ISM1: variants seen among roughly 807,000 people sequenced by gnomAD.
ISM1 encodes isthmin-1.
ISM1 carries 25 observed loss-of-function variants against 46.3 expected under a neutral mutation model. The ratio of observed to expected loss-of-function variants is 0.54; its 90% CI spans 0.39 to 0.75. The LOEUF is 0.75. Ranked by LOEUF, ISM1 falls within the 30% of genes least tolerant of loss-of-function variation. ISM1 has a pLI of 0.00. For synonymous variants in ISM1, 255 were observed against 256.7 expected, an observed-to-expected ratio of 0.99 and a Z score of 0.06; for missense variants, 536 against 625.4, an observed-to-expected ratio of 0.86 and a Z score of 1.52.
intron 1 of ISM1, among the ~76,000 whole-genome samples, chr20:13,225,820 C>A (rs1200561026): frequency 6.6e-6 from 1 of 152,042 alleles, no homozygotes; most frequent in Admixed American, 6.6e-5. Context: ...TAATCAGATA[C>A]TCAGATTAGT....
the ISM1 span, among the ~76,000 whole-genome samples, chr20:13,306,425 C>G: frequency 6.6e-6 from 1 of 152,198 alleles, no homozygotes; most frequent in Middle Eastern, 3.4e-3. Context: ...AATTTTTACA[C>G]CATTAGACAT....
chr20:13,238,591 A>G (rs2039680507), intron 1 of ISM1, among the ~76,000 whole-genome samples: 1 of 152,240 alleles, frequency 6.6e-6, no homozygotes, highest in South Asian at 2.1e-4. Context: ...TCAACTAGAA[A>G]ACAACAAAGT....
chr20:13,271,916 C>T (rs1207918592), intron 2 of ISM1, among the ~76,000 whole-genome samples: 1 of 152,074 alleles, frequency 6.6e-6, no homozygotes, highest in Non-Finnish European at 1.5e-5. Context: ...GTAGCTGGAA[C>T]TTCAAGTGTG....
chr20:13,318,604 G>A, the ISM1 span, among the ~76,000 whole-genome samples: 2 of 152,220 alleles, frequency 1.3e-5, 1 homozygote, highest in Non-Finnish European at 2.9e-5. Flanking sequence ...TTCAGTAGGT[G>A]AAGGGATAAA....
intron 1 of ISM1, among the ~76,000 whole-genome samples, chr20:13,251,484 G>A (rs753996867): frequency 1.3e-5 from 2 of 151,882 alleles, no homozygotes; most frequent in African/African-American, 2.4e-5. Flanking sequence ...CTTTGCAGGG[G>A]AAGGCAGAAT....
intron 1 of ISM1, among the ~76,000 whole-genome samples, chr20:13,265,178 A>T (rs1393140006): frequency 1.3e-5 from 2 of 151,776 alleles, no homozygotes; most frequent in Non-Finnish European, 2.9e-5. Flanking sequence ...GACCTGAGAG[A>T]CTCCTTCACC....
Position 13,240,974 on chromosome 20 carries a change from T to C in ISM1, c.138+19060T>C, listed in dbSNP as rs1000122756. On this transcript the variant is annotated intron_variant, in intron 1 of 5. Coordinates refer to ENST00000262487, the MANE Select transcript of ISM1 (RefSeq NM_080826.2). ...AGATAATAGCAGGGAGGCTGTGAAG[T>C]GGACAGGGAGCTGAGAGTGAGGTGT... is the stretch of plus-strand genomic sequence containing the variant. Among the ~76,000 whole-genome samples, 3 of 152,146 alleles carry C rather than the reference T, an allele frequency of 2.0e-5. No homozygotes were observed. The East Asian group carries it at 5.8e-4, about 29-fold the overall frequency.
the ISM1 span, among the ~76,000 whole-genome samples, chr20:13,323,529 C>T: frequency 8.5e-5 from 13 of 152,304 alleles, no homozygotes; most frequent in African/African-American, 3.1e-4. Flanking sequence ...ATAAATGCTT[C>T]AGTATGATAC....
Position 13,257,618 on chromosome 20 carries a change from T to G in ISM1, c.139-12886T>G, listed in dbSNP as rs143435501. ...TTTATCATCACTATATCTATGGGTT[T>G]TGTTGACGAGACCTGATTAACCCTA... On this transcript the variant is annotated intron_variant, in intron 1 of 5. Transcript: ENST00000262487. 5.5e-4 allele frequency among the ~76,000 whole-genome samples: 84 copies of G among 152,264 alleles called. No individual in the cohort carries two copies. The East Asian group carries it at 7.3e-3, about 13-fold the overall frequency.
At chr20:13,251,720 A>G (rs2039870179) in intron 1 of ISM1, among the ~76,000 whole-genome samples, 1 of 152,218 alleles carries the variant, frequency 6.6e-6, no homozygotes, top group East Asian at 1.9e-4. Context: ...GCCTGCTTTC[A>G]AAAGTCAGGA....
At chr20:13,292,265 T>C (rs912713972) in intron 4 of ISM1, 109 bp from the exon 5 acceptor site, 3 of 689,650 alleles carry the variant, frequency 4.4e-6, no homozygotes, top group Middle Eastern at 4.9e-4. Context: ...TGAGTAGTAA[T>C]GAATACAAAA....
chr20:13,288,999 G>GC (rs943659607), intron 4 of ISM1, among the ~76,000 whole-genome samples: 27 of 152,194 alleles, frequency 1.8e-4, no homozygotes, highest in Middle Eastern at 6.8e-3. Flanking sequence ...TGTTGGCCAG[G>GC]TTGGTCTCAA....
intron 2 of ISM1, among the ~76,000 whole-genome samples, chr20:13,279,288 A>G (rs1000483245): frequency 2.0e-5 from 3 of 152,226 alleles, no homozygotes; most frequent in African/African-American, 7.2e-5. Context: ...TCTCAATACC[A>G]CATGGAGGAG....
intron 3 of ISM1, among the ~76,000 whole-genome samples, chr20:13,282,162 CG>C (rs2040245523): frequency 6.6e-6 from 1 of 151,906 alleles, no homozygotes; most frequent in African/African-American, 2.4e-5. Context: ...TTTTCAATCC[CG>C]ATGCCTAGAC....
intron 1 of ISM1, among the ~76,000 whole-genome samples, chr20:13,256,131 C>T (rs1016196513): frequency 8.6e-5 from 13 of 151,764 alleles, no homozygotes; most frequent in Non-Finnish European, 1.0e-4. Flanking sequence ...CGTGGTGGCT[C>T]ATGCCTGTTA....
chr20:13,326,396 A>G, the ISM1 span, among the ~76,000 whole-genome samples: 1 of 152,204 alleles, frequency 6.6e-6, no homozygotes, highest in Non-Finnish European at 1.5e-5. Context: ...ATATGTATAT[A>G]TTCAATTTAG....
At chr20:13,224,255 T>C (rs1162524339) in intron 1 of ISM1, among the ~76,000 whole-genome samples, 3 of 152,218 alleles carry the variant, frequency 2.0e-5, no homozygotes, top group African/African-American at 4.8e-5. Flanking sequence ...TAATTTGTTA[T>C]TATAAAAGTT....
the ISM1 span, among the ~76,000 whole-genome samples, chr20:13,308,693 A>C: frequency 6.6e-6 from 1 of 152,224 alleles, no homozygotes; most frequent in Non-Finnish European, 1.5e-5. Flanking sequence ...TGTCTGAAAA[A>C]GAAAATTACA....
intron 1 of ISM1, among the ~76,000 whole-genome samples, chr20:13,242,546 G>T (rs930192707): frequency 6.6e-6 from 1 of 152,170 alleles, no homozygotes; most frequent in Admixed American, 6.5e-5. Flanking sequence ...AAGGAGGACA[G>T]GCTGAGTCCA....
Sources: gnomAD v4.1 joint callset for allele counts (sites outside exome capture counted in the v4.1 genomes callset) on GRCh38, gnomAD v4.1.1 for gene constraint, MANE v1.5 for transcripts, NCBI Gene and HGNC (gene_info 2026-07-23, HGNC 2026-07-21) for gene names.